DLGAP2: variants seen among roughly 807,000 people sequenced by gnomAD.
DLGAP2 encodes the protein disks large-associated protein 2.
Under a neutral mutation model 100.3 loss-of-function variants are expected in DLGAP2, and 26 were observed. The observed-to-expected ratio is 0.26, with a 90% CI of 0.19 to 0.36. The LOEUF is 0.36. Ranked by LOEUF, DLGAP2 falls within the 10% of genes least tolerant of loss-of-function variation. The pLI is 1.00. For missense variants in DLGAP2, 1,858 were observed against 1,453.2 expected, an observed-to-expected ratio of 1.28 and a Z score of -4.53; for synonymous variants, 886 against 630.1, an observed-to-expected ratio of 1.41 and a Z score of -6.08.
chr8:1,199,553 T>C (rs1025135494), intron 2 of DLGAP2, among the ~76,000 whole-genome samples: 59 of 152,294 alleles, frequency 3.9e-4, no homozygotes, highest in African/African-American at 1.4e-3. Flanking sequence ...GTCAGGAGAC[T>C]CAGCAGTTGG....
intron 1 of DLGAP2, among the ~76,000 whole-genome samples, chr8:861,902 G>A (rs894109190): frequency 2.6e-5 from 4 of 152,052 alleles, no homozygotes; most frequent in African/African-American, 9.7e-5. Context: ...AATATTGTAG[G>A]GCTCAGTATA....
chr8:1,045,724 T>A (rs1802495918), intron 2 of DLGAP2, among the ~76,000 whole-genome samples: 4 of 152,080 alleles, frequency 2.6e-5, no homozygotes. Flanking sequence ...TAGGGACAGG[T>A]GTGTGTGTGT....
intron 2 of DLGAP2, among the ~76,000 whole-genome samples, chr8:1,096,543 C>T (rs1050705709): frequency 1.3e-5 from 2 of 151,202 alleles, no homozygotes; most frequent in East Asian, 1.9e-4. Flanking sequence ...GTGAGGCCCA[C>T]CTCCCTGTGC....
Position 1,280,883 on chromosome 8 carries a change from T to C in DLGAP2, c.106+22000T>C, listed in dbSNP as rs113511874. Reference sequence around the variant, plus strand: ...CTTCAGGTCTATCCCTGAAATCACATTCACCTATTACATGCGTATTCTGGG... The same window carrying C: ...CTTCAGGTCTATCCCTGAAATCACACTCACCTATTACATGCGTATTCTGGG... On this transcript the variant is annotated intron_variant, in intron 3 of 14. Transcript: ENST00000637795. Among the ~76,000 whole-genome samples the C allele has an allele frequency of 5.3e-3, 806 of 152,318 alleles. 3 individuals carry two copies. The highest frequency in any genetic ancestry group is 0.019 in the African/African-American group (774 of 41,560).
chr8:1,074,189 G>T (rs532134325), intron 2 of DLGAP2, among the ~76,000 whole-genome samples: 1 of 148,522 alleles, frequency 6.7e-6, no homozygotes, highest in African/African-American at 2.6e-5. Flanking sequence ...TAACAGAAGG[G>T]TTTGCAGCAG....
chr8:1,510,389 G>A (rs539371169), intron 4 of DLGAP2, among the ~76,000 whole-genome samples: 35 of 152,322 alleles, frequency 2.3e-4, no homozygotes, highest in African/African-American at 6.3e-4. Context: ...AGTGCGTGAC[G>A]AACGTATTGT....
intron 1 of DLGAP2, among the ~76,000 whole-genome samples, chr8:799,471 T>C (rs931324710): frequency 1.3e-5 from 2 of 152,172 alleles, no homozygotes; most frequent in Admixed American, 1.3e-4. Context: ...AGGTTGGAAG[T>C]TGGCAAATTC....
At chr8:751,841 C>T (rs984350403) in intron 1 of DLGAP2, among the ~76,000 whole-genome samples, 1 of 151,248 alleles carries the variant, frequency 6.6e-6, no homozygotes, top group African/African-American at 2.4e-5. Flanking sequence ...ATAGTAAGTC[C>T]TTATAGGAAG....
At chr8:1,551,210 C>T (rs369495479) in intron 5 of DLGAP2, among the ~76,000 whole-genome samples, 5 of 152,296 alleles carry the variant, frequency 3.3e-5, no homozygotes, top group African/African-American at 1.2e-4. Flanking sequence ...TTTTGTTTGC[C>T]GTCGGCAAAC....
chr8:1,166,825 G>GGTT (rs774502150), intron 2 of DLGAP2, among the ~76,000 whole-genome samples: 14 of 152,010 alleles, frequency 9.2e-5, no homozygotes, highest in Non-Finnish European at 1.9e-4. Flanking sequence ...ATTGTTTCGT[G>GGTT]GTTTTCTACA....
chr8:1,495,265 C>T (rs1244954960), intron 3 of DLGAP2, among the ~76,000 whole-genome samples: 1 of 151,858 alleles, frequency 6.6e-6, no homozygotes, highest in Non-Finnish European at 1.5e-5. Flanking sequence ...CGACACCAGA[C>T]AGCCAGTGCC....
intron 2 of DLGAP2, among the ~76,000 whole-genome samples, chr8:1,055,623 G>A (rs771915575): frequency 2.6e-5 from 4 of 152,124 alleles, no homozygotes; most frequent in South Asian, 2.1e-4. Flanking sequence ...TTGGACTTCC[G>A]GGTAGGACGC....
At chr8:1,210,172 T>C (rs985436516) in intron 2 of DLGAP2, among the ~76,000 whole-genome samples, 1 of 152,076 alleles carries the variant, frequency 6.6e-6, no homozygotes, top group Non-Finnish European at 1.5e-5. Flanking sequence ...CAGGCCAGGC[T>C]CTGTGGAGTG....
chr8:1,157,464 C>CT (rs1341678177), intron 2 of DLGAP2, among the ~76,000 whole-genome samples: 1 of 152,120 alleles, frequency 6.6e-6, no homozygotes, highest in East Asian at 1.9e-4. Context: ...CCCTTTCAGT[C>CT]TAAAGTTTTC....
intron 3 of DLGAP2, among the ~76,000 whole-genome samples, chr8:1,325,181 G>A (rs964904973): frequency 1.2e-4 from 19 of 152,090 alleles, no homozygotes; most frequent in South Asian, 2.1e-4. Flanking sequence ...CTGGTGTAGC[G>A]GATGGTCTTC....
At chr8:1,488,486 G>A (rs1184578400) in intron 3 of DLGAP2, among the ~76,000 whole-genome samples, 1 of 152,174 alleles carries the variant, frequency 6.6e-6, no homozygotes, top group Non-Finnish European at 1.5e-5. Flanking sequence ...TCGGAACGGT[G>A]CCTGGCCCAC....
At position 1,448,781 on chromosome 8, in the gene DLGAP2, C is replaced by T. The variant is rs147047022; in HGVS notation, c.107-52585C>T. Among the ~76,000 whole-genome samples the T allele has an allele frequency of 1.1e-3, 163 of 152,272 alleles. 1 individual carries two copies. Among genetic ancestry groups the T allele is most frequent in the African/African-American group, 3.7e-3 (152 of 41,572 alleles). ...TTCTGCATTCCCGTTCCCCTCACTG[C>T]GTGCAAAAATCAATGCATGACATCA... On this transcript the variant is annotated intron_variant, in intron 3 of 14. Transcript: ENST00000637795.
chr8:1,460,183 C>T (rs555343840), intron 3 of DLGAP2, among the ~76,000 whole-genome samples: 8 of 152,288 alleles, frequency 5.3e-5, no homozygotes, highest in African/African-American at 1.9e-4. Flanking sequence ...CTACATAAGC[C>T]TAAGAATTGA....
At chr8:1,369,248 C>T (rs867940765) in intron 3 of DLGAP2, 2 of 152,140 alleles carry the variant, frequency 1.3e-5, no homozygotes, top group African/African-American at 4.8e-5. Context: ...TTTATTCTCT[C>T]ATAGTCCTGG....
Sources: allele counts gnomAD v4.1 joint callset (sites outside exome capture counted in the v4.1 genomes callset), GRCh38; gene constraint gnomAD v4.1.1; transcripts MANE v1.5; gene names NCBI Gene and HGNC (gene_info 2026-07-23, HGNC 2026-07-21).